SPATC1L: variants seen among roughly 807,000 people sequenced by gnomAD.
The protein encoded by SPATC1L is spermatogenesis and centriole associated 1 like.
Under a neutral mutation model 21.2 loss-of-function variants are expected in SPATC1L, and 20 were observed. That is an observed-to-expected ratio of 0.94 (90% CI 0.66 to 1.37). The LOEUF is 1.37. Among genes scored for constraint, SPATC1L ranks in the 40% most tolerant of loss-of-function variants. The probability of loss-of-function intolerance (pLI) is 0.00; values close to 1 mark genes in which losing one functional copy is unlikely to be tolerated. For missense variants in SPATC1L, 499 were observed against 478.7 expected (o/e 1.04, Z -0.40); for synonymous variants, 290 against 234.5 (o/e 1.24, Z -2.16).
chr21:46,174,332 C>CAAAAAAAAAAAAAA (rs66721282), intron 2 of SPATC1L, among the ~76,000 whole-genome samples: 1 of 34,258 alleles, frequency 2.9e-5, no homozygotes, highest in African/African-American at 9.4e-5. Flanking sequence ...GACTCTGTCT[C>CAAAAAAAAAAAAAA]AAAAAACAAA....
chr21:46,169,525 G>T (rs75801460), intron 2 of SPATC1L, among the ~76,000 whole-genome samples: 3 of 126,808 alleles, frequency 2.4e-5, no homozygotes, highest in Admixed American at 7.5e-5. Context: ...TGCTCTGTGA[G>T]CATCCTCTGT....
chr21:46,168,047 A>C lies in SPATC1L; in HGVS notation c.544+261T>G, dbSNP rs2079552971. Among the ~76,000 whole-genome samples the C allele has an allele frequency of 1.3e-5, 2 of 152,306 alleles. 1 individual carries two copies. The highest frequency in any genetic ancestry group is 3.9e-4 in the East Asian group (2 of 5,184). On this transcript the variant is annotated intron_variant, in intron 3 of 4. Transcript: ENST00000291672. ...GACCGTATCTGCAAAACATACACCC[A>C]AAAAAGGACTCATATCCAGACACAT... is the stretch of plus-strand genomic sequence containing the variant.
chr21:46,161,268 G>C lies in SPATC1L; in HGVS notation c.*111C>G. 9.2e-7 allele frequency: 1 copy of C among 1,092,156 alleles called. No homozygotes were observed. The highest frequency in any genetic ancestry group is 1.2e-6 in the Non-Finnish European group (1 of 808,968). The allele number at this position is 1,092,156 out of a possible 1,614,324, so 67.7% of individuals were successfully genotyped here. ...TGGGAGCGGGGCCTTCTCTGGCCTCGCGCGCGGGGGACGCGGCCCTTTCCC... is the reference window on the plus strand; with the variant it reads ...TGGGAGCGGGGCCTTCTCTGGCCTCCCGCGCGGGGGACGCGGCCCTTTCCC... On this transcript the variant is annotated 3_prime_UTR_variant, in exon 5 of 5. Coordinates refer to ENST00000291672, the MANE Select transcript of SPATC1L (RefSeq NM_001142854.2).
At chr21:46,180,100 G>A (rs758340671) in intron 2 of SPATC1L, among the ~76,000 whole-genome samples, 10 of 152,256 alleles carry the variant, frequency 6.6e-5, no homozygotes, top group African/African-American at 2.4e-4. Context: ...GCCACAGGGC[G>A]CCTGCGCAGG....
rs562828045 is a variant in SPATC1L at position 46,184,337 on chromosome 21, A to AG, written c.-959+18_-959+19insC. The AG allele has an allele frequency of 8.6e-4, 133 of 154,230 alleles. No homozygotes were observed. The highest frequency in any genetic ancestry group is 3.4e-3 in the Middle Eastern group (1 of 296). The allele number at this position is 154,230 out of a possible 1,614,324, so 9.6% of individuals were successfully genotyped here. A position where few individuals can be genotyped will look rare whatever the true frequency, so the allele number is the denominator to read the frequency against. The stretch of plus-strand genomic sequence containing the variant: ...CCCACCCTGACTCCCTGCTTCAATT[A>AG]CTTGGGAAAGTAAATCACCTCAGTG... On this transcript the variant is annotated intron_variant, in intron 1 of 4. Coordinates refer to ENST00000291672, the MANE Select transcript of SPATC1L (RefSeq NM_001142854.2).
rs2079684154 is a variant in SPATC1L at position 46,182,663 on chromosome 21, C to A, written c.154G>T (p.Ala52Ser). ...GGGHDLLPPRAHAYPEAGSPG... is the reference protein window; with the variant it reads ...GGGHDLLPPRSHAYPEAGSPG... The stretch of plus-strand genomic sequence containing the variant: ...GAGCCGGCCTCAGGGTAGGCATGCG[C>A]CCTGGGTGGGAGCAGGTCGTGGCCG... The change falls in exon 2 of 5, where the codon GCG (alanine) becomes TCG (serine). Residue 52 changes from alanine (A) to serine (S), a missense_variant. By Grantham distance (99) the Ala-to-Ser change is moderately conservative. Transcript: ENST00000291672. The A allele has an allele frequency of 3.9e-6, 6 of 1,539,804 alleles. No homozygotes were observed. The highest frequency in any genetic ancestry group is 5.2e-6 in the Non-Finnish European group (6 of 1,145,702).
chr21:46,181,804 C>T (rs1364289065), intron 2 of SPATC1L, among the ~76,000 whole-genome samples: 1 of 152,116 alleles, frequency 6.6e-6, no homozygotes, highest in African/African-American at 2.4e-5. Context: ...CTGAGGTTGG[C>T]CGTGGGAATC....
At chr21:46,162,959 G>A (rs1419357211) in intron 3 of SPATC1L, among the ~76,000 whole-genome samples, 2 of 152,076 alleles carry the variant, frequency 1.3e-5, no homozygotes, top group African/African-American at 2.4e-5. Flanking sequence ...ACCTGCTTCC[G>A]AACCCCCCTC....
At chr21:46,170,504 G>T in intron 2 of SPATC1L, among the ~76,000 whole-genome samples, 1 of 81,460 alleles carries the variant, frequency 1.2e-5, no homozygotes, top group South Asian at 3.7e-4. Flanking sequence ...AGCATCCTCT[G>T]TGGTCCAGGA....
In SPATC1L at chr21:46,183,369, G is replaced by C. The variant is rs1162742754; in HGVS notation, c.-553C>G. On this transcript the variant is annotated 5_prime_UTR_variant, in exon 2 of 5. Transcript: ENST00000291672. The stretch of plus-strand genomic sequence containing the variant: ...GGGTCCGTCCTTGGCACCCACACTT[G>C]AGGAGGGAGGGACTGGCAAGGGCAG... 3 of 175,792 alleles carry C rather than the reference G, an allele frequency of 1.7e-5. No homozygotes were observed. The highest frequency in any genetic ancestry group is 3.7e-5 in the Non-Finnish European group (3 of 81,548). 10.9% of individuals were successfully genotyped at this position (175,792 alleles called of 1,614,324 possible).
At chr21:46,171,951 A>C (rs972604112) in intron 2 of SPATC1L, among the ~76,000 whole-genome samples, 2 of 140,336 alleles carry the variant, frequency 1.4e-5, no homozygotes, top group African/African-American at 2.6e-5. Context: ...AAAAAAAAAA[A>C]AAAAAAAAAA....
intron 2 of SPATC1L, among the ~76,000 whole-genome samples, chr21:46,175,699 T>C (rs560126818): frequency 4.3e-4 from 65 of 152,260 alleles, no homozygotes; most frequent in African/African-American, 1.5e-3. Context: ...CAGGACCAGA[T>C]GGATTCACAG....
At chr21:46,170,467 G>C in intron 2 of SPATC1L, among the ~76,000 whole-genome samples, 1 of 127,862 alleles carries the variant, frequency 7.8e-6, no homozygotes, top group East Asian at 2.0e-4. Context: ...CATCCTCTGT[G>C]GATGGGGAGG....
At chr21:46,172,739 C>T (rs749661493) in intron 2 of SPATC1L, among the ~76,000 whole-genome samples, 21 of 152,284 alleles carry the variant, frequency 1.4e-4, no homozygotes, top group East Asian at 3.9e-4. Flanking sequence ...ACAGCTCCCA[C>T]GGAGGGCCTG....
In SPATC1L at chr21:46,161,613, C is replaced by A. The variant is rs1032235979; in HGVS notation, c.789G>T (p.Lys263Asn). 3.7e-6 allele frequency: 6 copies of A among 1,610,360 alleles called. No homozygotes were observed. The Admixed American group carries it at 1.0e-4, about 27-fold the overall frequency. Residue 263 changes from lysine to asparagine, a missense_variant, in exon 5 of 5, where the codon AAG (lysine) becomes AAT (asparagine). By Grantham distance (94) the Lys-to-Asn change is moderately conservative. Coordinates refer to ENST00000291672, the MANE Select transcript of SPATC1L (RefSeq NM_001142854.2). The part of the protein sequence containing the change: ...RYLALSARLE[K>N]LGYSRDVHPA... ...GGTGCACGTCGCGGCTGTAGCCCAG[C>A]TTCTCCAGGCGCGCGCTCAGGGCCA... is the stretch of plus-strand genomic sequence containing the variant.
intron 2 of SPATC1L, among the ~76,000 whole-genome samples, chr21:46,182,338 C>T (rs1415557710): frequency 6.6e-6 from 1 of 152,240 alleles, no homozygotes; most frequent in Non-Finnish European, 1.5e-5. Context: ...GCCTGCGCGC[C>T]ACCTGCTCTA....
rs2079687629 is a variant in SPATC1L at position 46,182,922 on chromosome 21, G to C, written c.-106C>G. 8.6e-7 allele frequency: 1 copy of C among 1,167,392 alleles called. No homozygotes were observed. 72.3% of individuals were successfully genotyped at this position (1,167,392 alleles called of 1,614,324 possible). A position where few individuals can be genotyped will look rare whatever the true frequency, so the allele number is the denominator to read the frequency against. On this transcript the variant is annotated 5_prime_UTR_variant, in exon 2 of 5. Transcript: ENST00000291672. ...AACAGCCCAGGCACGGAGTTCCGTA[G>C]CCACCACCGCCTTCCACGCCTTGTG...
At chr21:46,177,408 C>G (rs942041288) in intron 2 of SPATC1L, among the ~76,000 whole-genome samples, 3 of 151,948 alleles carry the variant, frequency 2.0e-5, no homozygotes, top group African/African-American at 7.3e-5. Context: ...TTAAAGAAAT[C>G]TACAAGAAAA....
rs539352816 is a variant in SPATC1L, at chr21:46,181,400, G to A, written c.193+1224C>T. Among the ~76,000 whole-genome samples, 183 of 152,266 alleles carry A rather than the reference G, an allele frequency of 1.2e-3. 1 individual carries two copies. The highest frequency in any genetic ancestry group is 4.1e-3 in the African/African-American group (169 of 41,560). ...AGGTGCTCTCCTCCCAGCTCCCTGC[G>A]AGGAGCCCCTGCCTGTCACCAGAGA... is the stretch of plus-strand genomic sequence containing the variant. On this transcript the variant is annotated intron_variant, in intron 2 of 4. Transcript: ENST00000291672.
Sources: allele counts gnomAD v4.1 joint callset (sites outside exome capture counted in the v4.1 genomes callset), GRCh38; gene constraint gnomAD v4.1.1; transcripts MANE v1.5; gene names NCBI Gene and HGNC (gene_info 2026-07-23, HGNC 2026-07-21).